Variants in RECQL5 observed in about 807,000 individuals in gnomAD.
RECQL5 encodes the protein ATP-dependent DNA helicase Q5.
RECQL5 carries 88 observed loss-of-function variants against 103.4 expected under a neutral mutation model. That is an observed-to-expected ratio of 0.85 (90% CI 0.72 to 1.02). RECQL5 has a LOEUF of 1.02. Among genes scored for constraint, RECQL5 ranks in the 50% least tolerant of loss-of-function variants. RECQL5 has a pLI of 0.00. For missense variants in RECQL5, 1,232 were observed against 1,284.3 expected, an observed-to-expected ratio of 0.96 and a Z score of 0.62; for synonymous variants, 552 against 507.9, an observed-to-expected ratio of 1.09 and a Z score of -1.17.
Position 75,640,731 on chromosome 17 carries a change from G to A in RECQL5, c.1230-9063C>T. On this transcript the variant is annotated intron_variant, in intron 8 of 19. Transcript: ENST00000317905. This position sits in a 1 kb window ranked among gnomAD's most constrained non-coding sequence, Gnocchi z 4.6. ...GGCAGGCAGTGGGTTTCTCTGGGAG[G>A]AGGGTGGGCATCCTTTCTCTCCCCC... 1.3e-6 allele frequency: 2 copies of A among 1,526,316 alleles called. No homozygotes were observed. Among genetic ancestry groups the A allele is most frequent in the Non-Finnish European group, 1.8e-6 (2 of 1,130,858 alleles). The allele number at this position is 1,526,316 out of a possible 1,614,324, so 94.5% of individuals were successfully genotyped here.
chr17:75,627,691 T>A lies in RECQL5; in HGVS notation c.2807A>T (p.Glu936Val), dbSNP rs540718425. 5 of 1,603,664 alleles carry A rather than the reference T, an allele frequency of 3.1e-6. No homozygotes were observed. The South Asian group carries it at 5.6e-5, about 18-fold the overall frequency. Residue 936 changes from glutamate (E) to valine (V), a missense_variant and splice_region_variant, in exon 19 of 20, where the codon GAG (glutamate) becomes GTG (valine). Coordinates refer to ENST00000317905, the MANE Select transcript of RECQL5 (RefSeq NM_004259.7). Reference sequence around the variant, plus strand: ...GTGGCGGGCAAAGCCTTTAAACAACTCCTGGAAGGGAGAGGGAGAAGAGAA... The same window carrying A: ...GTGGCGGGCAAAGCCTTTAAACAACACCTGGAAGGGAGAGGGAGAAGAGAA... ...FYKEGKFASK[E>V]LFKGFARHLS...
intron 6 of RECQL5, among the ~76,000 whole-genome samples, chr17:75,659,465 T>C (rs915847600): frequency 1.3e-5 from 2 of 152,198 alleles, no homozygotes; most frequent in African/African-American, 4.8e-5. Flanking sequence ...CAAGCAATCC[T>C]TCCACCTCGG....
intron 8 of RECQL5, chr17:75,633,555 C>G (rs868848156): frequency 1.6e-6 from 2 of 1,279,008 alleles, no homozygotes; most frequent in African/African-American, 3.0e-5. Context: ...AGATGCTGAG[C>G]GGCACAAGGG....
At chr17:75,630,451 G>T in intron 13 of RECQL5, 168 bp downstream of exon 13, 1 of 887,766 alleles carries the variant, frequency 1.1e-6, no homozygotes, top group Non-Finnish European at 1.7e-6. Context: ...TAGCACCTAA[G>T]TTGTAGCCAT....
At chr17:75,633,351 G>T in intron 8 of RECQL5, 1 of 1,043,014 alleles carries the variant, frequency 9.6e-7, no homozygotes, top group Non-Finnish European at 1.3e-6. Context: ...CTAGCCTGCT[G>T]GGAGGCACAA....
intron 4 of RECQL5, 21 bp downstream of exon 4, chr17:75,662,458 G>A: frequency 6.2e-7 from 1 of 1,605,766 alleles, no homozygotes; most frequent in Non-Finnish European, 8.5e-7. Context: ...CAGCTGCTTG[G>A]CCTCCACCTC....
chr17:75,645,279 C>CA lies in RECQL5; in HGVS notation c.1229+5906dup, dbSNP rs571012612. 7.9e-5 allele frequency among the ~76,000 whole-genome samples: 12 copies of CA among 152,286 alleles called. No homozygotes were observed. The South Asian group carries it at 8.3e-4, about 11-fold the overall frequency. On this transcript the variant is annotated intron_variant, in intron 8 of 19. Coordinates refer to ENST00000317905, the MANE Select transcript of RECQL5 (RefSeq NM_004259.7). ...GATTCCAAAGTCATCCCAAAGTAGT[C>CA]AATAGGTATTTCTAGAAAGAATTTC... is the stretch of plus-strand genomic sequence containing the variant.
rs574636187 is a variant in RECQL5 at position 75,644,032 on chromosome 17, G to A, written c.1229+7154C>T. ...TAAAAGCTACAATAGGGATGGGCGTGGTGACTCCTGCCTGTAATCCCAGCA... is the reference window on the plus strand; with the variant it reads ...TAAAAGCTACAATAGGGATGGGCGTAGTGACTCCTGCCTGTAATCCCAGCA... On this transcript the variant is annotated intron_variant, in intron 8 of 19. Transcript: ENST00000317905. 3.9e-4 allele frequency among the ~76,000 whole-genome samples: 59 copies of A among 152,340 alleles called. No homozygotes were observed. In the South Asian group the frequency reaches 7.3e-3, roughly 19 times the overall value.
At chr17:75,633,577 A>G in intron 8 of RECQL5, 1 of 1,250,190 alleles carries the variant, frequency 8.0e-7, no homozygotes, top group Admixed American at 2.6e-5. Flanking sequence ...CTCCCCAGGG[A>G]CTGGTTGCAA....
chr17:75,637,667 G>A (rs1245796760), intron 8 of RECQL5: 3 of 152,304 alleles, frequency 2.0e-5, no homozygotes, highest in African/African-American at 4.8e-5. Flanking sequence ...GTGTGGCCCC[G>A]GCCTGGTGGT....
At chr17:75,638,184 T>G (rs2059363449) in intron 8 of RECQL5, 1 of 151,742 alleles carries the variant, frequency 6.6e-6, no homozygotes. Context: ...CATCATCACT[T>G]AAAAAAACAG....
intron 1 of RECQL5, 178 bp downstream of exon 1, chr17:75,666,866 G>T: frequency 3.4e-6 from 1 of 294,378 alleles, no homozygotes; most frequent in Middle Eastern, 1.1e-3. Context: ...AGAACAGCTT[G>T]GAGAACGGGG....
At chr17:75,643,326 C>G (rs1348796580) in intron 8 of RECQL5, among the ~76,000 whole-genome samples, 2 of 152,246 alleles carry the variant, frequency 1.3e-5, no homozygotes, top group Non-Finnish European at 2.9e-5. Flanking sequence ...GCTTCCCCAG[C>G]CCAGCTGCGG....
rs55982817 is a variant in RECQL5 at position 75,630,841 on chromosome 17, TGG to T, written c.1586-6_1586-5del. 1.0e-3 allele frequency: 1,179 copies of T among 1,130,416 alleles called. 2 individuals carry two copies. Among genetic ancestry groups the T allele is most frequent in the East Asian group, 3.7e-3 (126 of 34,138 alleles). 70.0% of individuals were successfully genotyped at this position (1,130,416 alleles called of 1,614,324 possible). Reference sequence around the variant, plus strand: ...TCTTTCAGGGGACAGTTCTCATCTGTGGGGGGGGGGGGTGGTCCTTGGTCCTT... The same window carrying T: ...TCTTTCAGGGGACAGTTCTCATCTGTGGGGGGGGGGTGGTCCTTGGTCCTT... On this transcript the variant is annotated splice_region_variant and splice_polypyrimidine_tract_variant and intron_variant, in intron 11 of 19. Coordinates refer to ENST00000317905, the MANE Select transcript of RECQL5 (RefSeq NM_004259.7).
intron 6 of RECQL5, among the ~76,000 whole-genome samples, chr17:75,659,270 C>T (rs2059668070): frequency 6.6e-6 from 1 of 152,154 alleles, no homozygotes; most frequent in Admixed American, 6.6e-5. Flanking sequence ...CCATGTTAGC[C>T]AGGATGGTCT....
intron 7 of RECQL5, among the ~76,000 whole-genome samples, chr17:75,656,398 A>T (rs1001793015): frequency 2.0e-5 from 3 of 152,212 alleles, no homozygotes; most frequent in African/African-American, 7.2e-5. Context: ...CTTTTTGAAA[A>T]AAACTCGTGT....
intron 8 of RECQL5, chr17:75,633,886 G>C: frequency 1.0e-6 from 1 of 992,146 alleles, no homozygotes; most frequent in Non-Finnish European, 1.2e-6. Flanking sequence ...GAGGAGGAAG[G>C]AGGAGGAGAG....
chr17:75,658,171 G>T, intron 7 of RECQL5, 127 bp downstream of exon 7: 2 of 920,800 alleles, frequency 2.2e-6, no homozygotes, highest in South Asian at 1.9e-5. Flanking sequence ...ATTTCCCTTT[G>T]CTATACTTAC....
intron 8 of RECQL5, chr17:75,633,317 G>A (rs2059256012): frequency 1.6e-6 from 1 of 637,650 alleles, no homozygotes; most frequent in South Asian, 1.8e-5. Context: ...CAGCGGGGCT[G>A]GGGTCGGTTT....
Sources: allele counts gnomAD v4.1 joint callset (sites outside exome capture counted in the v4.1 genomes callset), GRCh38; gene constraint gnomAD v4.1.1; non-coding constraint Gnocchi (gnomAD v3.1); transcripts MANE v1.5; gene names NCBI Gene and HGNC (gene_info 2026-07-23, HGNC 2026-07-21).